The following PABIR2 variants were observed in gnomAD, a reference collection of about 807,000 sequenced individuals.
PABIR2 encodes family with sequence similarity 122B.
PABIR2 carries 7 observed loss-of-function variants against 22.8 expected under a neutral mutation model. The ratio of observed to expected loss-of-function variants is 0.31; its 90% confidence interval spans 0.17 to 0.58. PABIR2 has a LOEUF of 0.58. Ranked by LOEUF, PABIR2 falls within the 20% of genes least tolerant of loss-of-function variation. PABIR2 has a pLI of 0.89. For missense variants in PABIR2, 155 were observed against 205.1 expected (o/e 0.76, Z 1.49); for synonymous variants, 67 against 73.8 (o/e 0.91, Z 0.47).
intron 2 of PABIR2, among the ~76,000 whole-genome samples, chrX:134,792,702 C>A (rs1603067760): frequency 8.9e-6 from 1 of 112,444 alleles, no homozygotes; most frequent in East Asian, 2.8e-4. Flanking sequence ...CTTCTAACGT[C>A]TTGAGTTTTA....
chrX:134,792,770 G>C, intron 2 of PABIR2, among the ~76,000 whole-genome samples: 1 of 112,126 alleles, frequency 8.9e-6, no homozygotes, highest in African/African-American at 3.2e-5. Context: ...CATAGGGGCT[G>C]TTATGACAAT....
chrX:134,779,154 C>T (rs2079087821), intron 9 of PABIR2, among the ~76,000 whole-genome samples: 1 of 111,527 alleles, frequency 9.0e-6, no homozygotes, highest in Non-Finnish European at 1.9e-5. Context: ...GTTGGCCAGG[C>T]GCAGTGGCTC....
chrX:134,785,639 G>A (rs1282128976), intron 8 of PABIR2, among the ~76,000 whole-genome samples: 2 of 110,900 alleles, frequency 1.8e-5, no homozygotes, highest in Non-Finnish European at 3.8e-5. Context: ...ATGGGATTTT[G>A]TCATATTGGC....
chrX:134,774,099 C>CT (rs2078903068), intron 9 of PABIR2, among the ~76,000 whole-genome samples: 1 of 112,036 alleles, frequency 8.9e-6, no homozygotes, highest in South Asian at 3.7e-4. Flanking sequence ...TCACTGCTGT[C>CT]AAATGCATCA....
At chrX:134,786,947 C>T (rs1164409052) in intron 7 of PABIR2, among the ~76,000 whole-genome samples, 1 of 110,173 alleles carries the variant, frequency 9.1e-6, no homozygotes, top group African/African-American at 3.3e-5. Flanking sequence ...GAGATTCCAC[C>T]TCAAATACAA....
At chrX:134,777,635 G>A (rs2079019830) in intron 9 of PABIR2, among the ~76,000 whole-genome samples, 1 of 109,453 alleles carries the variant, frequency 9.1e-6, no homozygotes, top group African/African-American at 3.3e-5. Context: ...TTGGGAGTTC[G>A]AGACCAGCCT....
chrX:134,772,693 CA>C (rs764272879), intron 9 of PABIR2, among the ~76,000 whole-genome samples: 70 of 111,428 alleles, frequency 6.3e-4, no homozygotes, highest in Middle Eastern at 4.6e-3. Flanking sequence ...GGTGTTCGAT[CA>C]AGTACACTGC....
rs1311879213 is a variant in PABIR2, at chrX:134,771,182, T to C, written c.*957A>G. ...CATACCTTATGATATACATCCCTTA[T>C]AGCATGACAATGTACCCCAAGGCAC... On this transcript the variant is annotated 3_prime_UTR_variant, in exon 10 of 10. Coordinates refer to ENST00000343004, the MANE Select transcript of PABIR2 (RefSeq NM_001387468.1). The C allele has an allele frequency of 1.5e-5, 10 of 681,828 alleles. No homozygotes were observed. The highest frequency in any genetic ancestry group is 2.1e-5 in the Non-Finnish European group (10 of 485,143). 56.2% of individuals were successfully genotyped at this position (681,828 alleles called of 1,213,427 possible). A position where few individuals can be genotyped will look rare whatever the true frequency, so the allele number is the denominator to read the frequency against.
chrX:134,773,627 A>T (rs1383803542), intron 9 of PABIR2, among the ~76,000 whole-genome samples: 3 of 111,694 alleles, frequency 2.7e-5, no homozygotes, highest in African/African-American at 9.7e-5. Context: ...TGACAGACAA[A>T]TCAGGAGAGG....
In PABIR2 at chrX:134,790,801, T is replaced by G. The variant is rs2079524183; in HGVS notation, c.178-1165A>C. ...GTTGGCTAGGATGATCTCGATCTCCTGACCTCGTGATCCTCCTGCCTTGGC... is the reference window on the plus strand; with the variant it reads ...GTTGGCTAGGATGATCTCGATCTCCGGACCTCGTGATCCTCCTGCCTTGGC... On this transcript the variant is annotated intron_variant, in intron 2 of 9. Coordinates refer to ENST00000343004, the MANE Select transcript of PABIR2 (RefSeq NM_001387468.1). 3.6e-5 allele frequency among the ~76,000 whole-genome samples: 4 copies of G among 112,540 alleles called. No individual in the cohort carries two copies. In the Admixed American group the frequency reaches 3.8e-4, roughly 11 times the overall value.
At chrX:134,795,557 C>T (rs943167101) in intron 1 of PABIR2, among the ~76,000 whole-genome samples, 1 of 112,098 alleles carries the variant, frequency 8.9e-6, no homozygotes, top group African/African-American at 3.2e-5. Context: ...AAGCTACAGA[C>T]CACCCTTCTT....
chrX:134,775,274 T>C (rs756600646), intron 9 of PABIR2, among the ~76,000 whole-genome samples: 1 of 111,172 alleles, frequency 9.0e-6, no homozygotes, highest in South Asian at 3.8e-4. Context: ...CTCATGCTTG[T>C]AATCCCAGCA....
At chrX:134,788,540 A>T (rs1354960877) in intron 6 of PABIR2, among the ~76,000 whole-genome samples, 190 bp downstream of exon 6, 8 of 104,973 alleles carry the variant, frequency 7.6e-5, no homozygotes, top group Non-Finnish European at 1.2e-4. Context: ...TATATATGTT[A>T]TATATATATA....
intron 8 of PABIR2, among the ~76,000 whole-genome samples, chrX:134,783,076 T>C (rs1452903289): frequency 8.9e-6 from 1 of 112,200 alleles, no homozygotes; most frequent in Non-Finnish European, 1.9e-5. Context: ...AATTTTAAGT[T>C]AGTAATAATA....
In PABIR2 at chrX:134,771,059, A is replaced by G. The variant is rs2078830084; in HGVS notation, c.*1080T>C. 3.2e-6 allele frequency: 1 copy of G among 316,654 alleles called. No homozygotes were observed. Among genetic ancestry groups the G allele is most frequent in the East Asian group, 5.0e-5 (1 of 19,836 alleles). The allele number at this position is 316,654 out of a possible 1,213,427, so 26.1% of individuals were successfully genotyped here. ...CAATAACTAAAACACCATTCACCAC[A>G]TGACAAAACAAACAAATCCAATGAC... On this transcript the variant is annotated 3_prime_UTR_variant, in exon 10 of 10. Transcript: ENST00000343004.
intron 2 of PABIR2, among the ~76,000 whole-genome samples, chrX:134,790,762 C>T (rs764035448): frequency 4.5e-5 from 5 of 112,062 alleles, no homozygotes; most frequent in South Asian, 3.7e-4. Context: ...TTAGTAGAGA[C>T]GGGGTTTCAT....
In PABIR2 at chrX:134,771,891, CA is replaced by C. The variant is rs1478298713; in HGVS notation, c.*247del. On this transcript the variant is annotated 3_prime_UTR_variant, in exon 10 of 10. Transcript: ENST00000343004. The stretch of plus-strand genomic sequence containing the variant: ...AAGAAAAAAGATTCCTCTAAGCAAT[CA>C]AAAATCAGCATTTGAGATTTAATCA... 7 of 929,342 alleles carry C rather than the reference CA, an allele frequency of 7.5e-6. No homozygotes were observed. Among genetic ancestry groups the C allele is most frequent in the Non-Finnish European group, 9.3e-6 (7 of 751,219 alleles). 76.6% of individuals were successfully genotyped at this position (929,342 alleles called of 1,213,427 possible).
intron 9 of PABIR2, among the ~76,000 whole-genome samples, chrX:134,773,995 G>A: frequency 9.0e-6 from 1 of 111,366 alleles, no homozygotes; most frequent in African/African-American, 3.3e-5. Flanking sequence ...ATTGCTTGTG[G>A]ATTGTTTTTA....
At chrX:134,785,985 A>C (rs748337759) in intron 7 of PABIR2, 35 bp from the exon 8 acceptor site, 2 of 1,163,175 alleles carry the variant, frequency 1.7e-6, no homozygotes, top group African/African-American at 3.5e-5. Context: ...AATGTGAAGA[A>C]CATCCACGAT....
Sources: gnomAD v4.1 joint callset for allele counts (sites outside exome capture counted in the v4.1 genomes callset) on GRCh38, gnomAD v4.1.1 for gene constraint, MANE v1.5 for transcripts, NCBI Gene and HGNC (gene_info 2026-07-23, HGNC 2026-07-21) for gene names.